TLK2: variants seen among roughly 807,000 people sequenced by gnomAD.
The protein encoded by TLK2 is serine/threonine-protein kinase tousled-like 2.
Under a neutral mutation model 117.3 loss-of-function variants are expected in TLK2, and 6 were observed. The ratio of observed to expected loss-of-function variants is 0.05; its 90% CI spans 0.03 to 0.10. The LOEUF (loss-of-function observed/expected upper bound fraction) is 0.10, where lower values mean the gene tolerates loss of function less well. Ranked by LOEUF, TLK2 falls within the 10% of genes least tolerant of loss-of-function variation. The pLI is 1.00. For synonymous variants in TLK2, 257 were observed against 316.7 expected (o/e 0.81, Z 2.00); for missense variants, 299 against 901.2 (o/e 0.33, Z 8.56).
chr17:62,574,511 T>TG, intron 12 of TLK2: 2 of 677,642 alleles, frequency 3.0e-6, no homozygotes, highest in Non-Finnish European at 2.5e-6. Context: ...AACTCCAAAT[T>TG]TTGTTGTTGT....
At chr17:62,500,956 G>A (rs1247056934) in intron 2 of TLK2, among the ~76,000 whole-genome samples, 1 of 152,098 alleles carries the variant, frequency 6.6e-6, no homozygotes, top group African/African-American at 2.4e-5. Flanking sequence ...AAATATTTGT[G>A]AGCCGGGCAT....
chr17:62,602,639 C>T (rs1234137988), intron 19 of TLK2, among the ~76,000 whole-genome samples: 2 of 152,028 alleles, frequency 1.3e-5, no homozygotes, highest in East Asian at 1.9e-4. Context: ...ATAACTATAG[C>T]GCATATGAAA....
chr17:62,494,531 A>T (rs1416226983), intron 2 of TLK2, among the ~76,000 whole-genome samples: 2 of 152,072 alleles, frequency 1.3e-5, no homozygotes, highest in Admixed American at 6.6e-5. Flanking sequence ...TGTTGGGATT[A>T]TAGGCATGAG....
intron 5 of TLK2, among the ~76,000 whole-genome samples, chr17:62,523,527 C>T (rs2076181351): frequency 6.6e-6 from 1 of 152,132 alleles, no homozygotes; most frequent in South Asian, 2.1e-4. Context: ...CTGCAGTGAG[C>T]CATGATCTAC....
chr17:62,524,748 T>C (rs147019225), intron 6 of TLK2, among the ~76,000 whole-genome samples: 2,219 of 152,346 alleles, frequency 0.015, 78 homozygotes, highest in Admixed American at 0.084. Flanking sequence ...TGCAGATTTG[T>C]GATAGGTATG....
intron 6 of TLK2, among the ~76,000 whole-genome samples, chr17:62,525,583 G>A (rs753767954): frequency 3.3e-5 from 5 of 151,790 alleles, no homozygotes; most frequent in South Asian, 2.1e-4. Context: ...TGAGTAGCTC[G>A]TAGTACAGGC....
At chr17:62,549,131 C>T (rs2078183926) in intron 7 of TLK2, among the ~76,000 whole-genome samples, 2 of 148,832 alleles carry the variant, frequency 1.3e-5, no homozygotes, top group East Asian at 2.0e-4. Flanking sequence ...CGGTGGCTCA[C>T]ACCTGTAATC....
intron 12 of TLK2, among the ~76,000 whole-genome samples, chr17:62,575,043 A>G (rs2080667138): frequency 6.6e-6 from 1 of 152,146 alleles, no homozygotes; most frequent in Non-Finnish European, 1.5e-5. Flanking sequence ...CTTTCCCTCT[A>G]GTATTATTTG....
chr17:62,586,330 T>C (rs2081603462), intron 16 of TLK2, 104 bp downstream of exon 16: 2 of 752,704 alleles, frequency 2.7e-6, no homozygotes, highest in Admixed American at 2.5e-5. Flanking sequence ...TTGTTTTATG[T>C]AATCTTCATA....
intron 15 of TLK2, among the ~76,000 whole-genome samples, chr17:62,582,269 C>T (rs758705201): frequency 5.9e-5 from 9 of 151,840 alleles, no homozygotes; most frequent in African/African-American, 2.2e-4. Flanking sequence ...TTAATAGAGA[C>T]AGGGTTTCAC....
chr17:62,596,694 AC>A lies in TLK2; in HGVS notation c.1550+22del. The A allele has an allele frequency of 6.3e-7, 1 of 1,597,868 alleles. No individual in the cohort carries two copies. Among genetic ancestry groups the A allele is most frequent in the Non-Finnish European group, 8.6e-7 (1 of 1,165,478 alleles). ...TGACTCGTAAGTGCTGTGCTGTTTT[AC>A]CTTAACAGTTATATTATTTTCTTGC... On this transcript the variant is annotated intron_variant, in intron 17 of 21. Coordinates refer to ENST00000346027, the MANE Select transcript of TLK2 (RefSeq NM_006852.6).
At chr17:62,495,682 G>A (rs1358659607) in intron 2 of TLK2, among the ~76,000 whole-genome samples, 1 of 116,428 alleles carries the variant, frequency 8.6e-6, no homozygotes, top group African/African-American at 3.1e-5. Context: ...TATTGGAGAC[G>A]GAGTCTTACT....
intron 19 of TLK2, among the ~76,000 whole-genome samples, chr17:62,605,862 C>T (rs1177131267): frequency 6.6e-6 from 1 of 151,494 alleles, no homozygotes; most frequent in East Asian, 1.9e-4. Context: ...TAAAAACTAC[C>T]CAGGCATGGT....
At chr17:62,561,199 G>A (rs2079247992) in intron 10 of TLK2, among the ~76,000 whole-genome samples, 1 of 152,176 alleles carries the variant, frequency 6.6e-6, no homozygotes, top group Non-Finnish European at 1.5e-5. Flanking sequence ...TGGTATATAT[G>A]TGCCACATTT....
intron 2 of TLK2, among the ~76,000 whole-genome samples, chr17:62,515,419 C>T (rs1157443205): frequency 6.6e-6 from 1 of 152,156 alleles, no homozygotes; most frequent in Admixed American, 6.6e-5. Context: ...GTGGCTATGC[C>T]ATTTTATATT....
At chr17:62,522,611 AC>A (rs2076120134) in intron 4 of TLK2, among the ~76,000 whole-genome samples, 1 of 152,234 alleles carries the variant, frequency 6.6e-6, no homozygotes, top group Non-Finnish European at 1.5e-5. Context: ...TTTGTTAATG[AC>A]AGCCAGCTAA....
chr17:62,591,282 T>C (rs1318449444), intron 16 of TLK2, among the ~76,000 whole-genome samples: 1 of 152,000 alleles, frequency 6.6e-6, no homozygotes, highest in Non-Finnish European at 1.5e-5. Context: ...TGTATGTTTC[T>C]AGCCCTTCTG....
In TLK2 at chr17:62,508,657, C is replaced by T. The variant is rs58427357; in HGVS notation, c.82-12116C>T. ...CAAAGATACTAGGAATTAATACTGA[C>T]GAAATAAGACATAAAAATCAGAATA... is the stretch of plus-strand genomic sequence containing the variant. On this transcript the variant is annotated intron_variant, in intron 2 of 21. Coordinates refer to ENST00000346027, the MANE Select transcript of TLK2 (RefSeq NM_006852.6). 3.1e-4 allele frequency: 245 copies of T among 782,162 alleles called. 3 individuals carry two copies. Among genetic ancestry groups the T allele is most frequent in the Admixed American group, 2.1e-3 (34 of 16,014 alleles). 48.5% of individuals were successfully genotyped at this position (782,162 alleles called of 1,614,324 possible).
upstream of TLK2, among the ~76,000 whole-genome samples, chr17:62,474,654 C>A (rs143246997): frequency 1.3e-5 from 2 of 151,678 alleles, no homozygotes; most frequent in African/African-American, 4.8e-5. Context: ...GTGATCTGCC[C>A]GCCTCGGCCT....
Sources: allele counts gnomAD v4.1 joint callset (sites outside exome capture counted in the v4.1 genomes callset), GRCh38; gene constraint gnomAD v4.1.1; transcripts MANE v1.5; gene names NCBI Gene and HGNC (gene_info 2026-07-23, HGNC 2026-07-21).